The following C20orf96 variants were observed in gnomAD, a reference collection of about 807,000 sequenced individuals.
C20orf96 encodes the protein uncharacterized protein C20orf96.
C20orf96 carries 57 observed loss-of-function variants against 52.6 expected under a neutral mutation model. That is an observed-to-expected ratio of 1.08 (90% CI 0.88 to 1.35). The LOEUF (loss-of-function observed/expected upper bound fraction) is 1.35, where lower values mean the gene tolerates loss of function less well. Among genes scored for constraint, C20orf96 ranks in the 40% most tolerant of loss-of-function variants. C20orf96 has a pLI of 0.00. For synonymous variants in C20orf96, 168 were observed against 157.2 expected, an observed-to-expected ratio of 1.07 and a Z score of -0.51; for missense variants, 478 against 443.6, an observed-to-expected ratio of 1.08 and a Z score of -0.70.
At chr20:274,635 C>T (rs748387290) in intron 10 of C20orf96, among the ~76,000 whole-genome samples, 8 of 151,988 alleles carry the variant, frequency 5.3e-5, no homozygotes, top group Non-Finnish European at 1.0e-4. Flanking sequence ...TTACGTCCCC[C>T]GGAGACCCTG....
rs558902503 is a variant in C20orf96, at chr20:284,483, C to T, written c.188-402G>A. Among the ~76,000 whole-genome samples the T allele has an allele frequency of 2.0e-5, 3 of 152,330 alleles. No individual in the cohort carries two copies. The South Asian group carries it at 6.2e-4, about 32-fold the overall frequency. On this transcript the variant is annotated intron_variant, in intron 3 of 10. Coordinates refer to ENST00000360321, the MANE Select transcript of C20orf96 (RefSeq NM_153269.3). ...GGCCTGAATCCAAATCCCTGCTGTCCCACCAACCTGGCTGGCAGAAGGCCT... is the reference window on the plus strand; with the variant it reads ...GGCCTGAATCCAAATCCCTGCTGTCTCACCAACCTGGCTGGCAGAAGGCCT...
In C20orf96 at chr20:277,209, G is replaced by C. The variant is rs776727411; in HGVS notation, c.723+17C>G. On this transcript the variant is annotated intron_variant, in intron 7 of 10. Transcript: ENST00000360321. ...CTCCCACACAGTCTGGTGGGAGAGG[G>C]GCAGGGGCTCCCCTACCTGCTGGCT... 1 of 1,614,070 alleles carries C rather than the reference G, an allele frequency of 6.2e-7. No individual in the cohort carries two copies. The highest frequency in any genetic ancestry group is 1.1e-5 in the South Asian group (1 of 91,050).
Position 276,635 on chromosome 20 carries a change from A to T in C20orf96, c.912+158T>A, listed in dbSNP as rs77700748. 1.7e-3 allele frequency: 2,473 copies of T among 1,456,548 alleles called. 5 individuals are homozygous for T. Among genetic ancestry groups the T allele is most frequent in the Non-Finnish European group, 2.1e-3 (2,335 of 1,105,784 alleles). 90.2% of individuals were successfully genotyped at this position (1,456,548 alleles called of 1,614,324 possible). ...CCAATCGCCTTCCCAGATGAAAGAC[A>T]AGTGACAGTAATGGCACCGGCAAGG... is the stretch of plus-strand genomic sequence containing the variant. On this transcript the variant is annotated intron_variant, in intron 9 of 10. Coordinates refer to ENST00000360321, the MANE Select transcript of C20orf96 (RefSeq NM_153269.3).
At chr20:287,140 T>C (rs140161250) in intron 3 of C20orf96, among the ~76,000 whole-genome samples, 5 of 152,350 alleles carry the variant, frequency 3.3e-5, no homozygotes, top group African/African-American at 1.2e-4. Context: ...TACTGGCTTT[T>C]GTGTGAATAT....
chr20:279,078 G>GGGC (rs1455938636), intron 5 of C20orf96, 94 bp downstream of exon 5: 15 of 632,514 alleles, frequency 2.4e-5, no homozygotes, highest in South Asian at 1.4e-4. Context: ...GAGGGAGGGA[G>GGGC]GGACGGAGGG....
At chr20:273,886 GAAGGAAGA>G (rs1191337332) in intron 10 of C20orf96, among the ~76,000 whole-genome samples, 1 of 56,720 alleles carries the variant, frequency 1.8e-5, no homozygotes, top group Non-Finnish European at 2.6e-5. Context: ...CAAGAAGAAG[GAAGGAAGA>G]AAGGAAGGAA....
At chr20:276,950 G>C in intron 8 of C20orf96, 71 bp from the exon 9 acceptor site, 1 of 1,601,058 alleles carries the variant, frequency 6.2e-7, no homozygotes, top group South Asian at 1.1e-5. Context: ...GAGACCGATG[G>C]GGCTGCAGTG....
intron 9 of C20orf96, 56 bp downstream of exon 9, chr20:276,737 G>C (rs1342407599): frequency 6.3e-7 from 1 of 1,585,292 alleles, no homozygotes; most frequent in Admixed American, 1.7e-5. Flanking sequence ...ACAGGCCGTG[G>C]GGACTGCCCA....
At chr20:277,606 T>C (rs1490071403) in intron 6 of C20orf96, among the ~76,000 whole-genome samples, 2 of 151,944 alleles carry the variant, frequency 1.3e-5, no homozygotes, top group East Asian at 1.9e-4. Context: ...AGGAAGGGAA[T>C]TGGTGCATGA....
chr20:281,773 G>C (rs2012260998), intron 4 of C20orf96, among the ~76,000 whole-genome samples: 1 of 152,210 alleles, frequency 6.6e-6, no homozygotes, highest in African/African-American at 2.4e-5. Context: ...GAGCCCAGGA[G>C]TTAGAGCCCT....
In C20orf96 at chr20:290,427, C is replaced by T. The variant is rs963055621; in HGVS notation, c.21-120G>A. 1.3e-5 allele frequency: 20 copies of T among 1,546,100 alleles called. No individual in the cohort carries two copies. The East Asian group carries it at 4.1e-4, about 32-fold the overall frequency. ...AACTGCAGTTTACCGGGGACAATAG[C>T]CCCGCGGGAGTGGGGCGGGGCCAAG... On this transcript the variant is annotated intron_variant, in intron 1 of 10. Coordinates refer to ENST00000360321, the MANE Select transcript of C20orf96 (RefSeq NM_153269.3).
At chr20:279,765 T>C (rs2012201847) in intron 4 of C20orf96, among the ~76,000 whole-genome samples, 1 of 151,888 alleles carries the variant, frequency 6.6e-6, no homozygotes, top group South Asian at 2.1e-4. Context: ...AGGTCAAGAG[T>C]TCGAGACCAG....
At chr20:277,204 A>G in intron 7 of C20orf96, 22 bp downstream of exon 7, 4 of 1,613,934 alleles carry the variant, frequency 2.5e-6, no homozygotes, top group Non-Finnish European at 3.4e-6. Flanking sequence ...GTCTGGTGGG[A>G]GAGGGGCAGG....
At chr20:279,407 C>A (rs1057476993) in intron 4 of C20orf96, 77 bp from the exon 5 acceptor site, 1 of 1,445,134 alleles carries the variant, frequency 6.9e-7, no homozygotes, top group Admixed American at 2.8e-5. Context: ...GTGGACCCGC[C>A]GCCCCGGCCC....
chr20:282,452 G>C (rs1311268956), intron 4 of C20orf96, among the ~76,000 whole-genome samples: 3 of 152,198 alleles, frequency 2.0e-5, no homozygotes, highest in Admixed American at 1.3e-4. Context: ...TTAAATGAAT[G>C]AAAGATTGCA....
At chr20:283,454 C>T (rs1412307781) in intron 4 of C20orf96, among the ~76,000 whole-genome samples, 1 of 152,100 alleles carries the variant, frequency 6.6e-6, no homozygotes, top group Non-Finnish European at 1.5e-5. Context: ...CAGGTGCGTG[C>T]TACCACACCC....
intron 9 of C20orf96, 164 bp from the exon 10 acceptor site, chr20:276,250 C>A: frequency 1.0e-6 from 1 of 985,346 alleles, no homozygotes. Context: ...ATGCAAGGTG[C>A]GGCTGGCTTC....
intron 9 of C20orf96, chr20:276,583 G>A: frequency 1.0e-6 from 1 of 985,348 alleles, no homozygotes; most frequent in Non-Finnish European, 1.2e-6. Flanking sequence ...AGCATTGCTG[G>A]CTAATGAGGC....
At chr20:271,987 G>A (rs2011855320) in intron 10 of C20orf96, among the ~76,000 whole-genome samples, 1 of 151,964 alleles carries the variant, frequency 6.6e-6, no homozygotes, top group South Asian at 2.1e-4. Context: ...CTTCCAAGGA[G>A]ACCATCCTCT....
Sources: allele counts gnomAD v4.1 joint callset (sites outside exome capture counted in the v4.1 genomes callset), GRCh38; gene constraint gnomAD v4.1.1; transcripts MANE v1.5; gene names NCBI Gene and HGNC (gene_info 2026-07-23, HGNC 2026-07-21).